The following CCSER1 variants were observed in gnomAD, a reference collection of about 807,000 sequenced individuals.
The protein encoded by CCSER1 is coiled-coil serine rich protein 1.
Under a neutral mutation model 82.0 loss-of-function variants are expected in CCSER1, and 41 were observed. The observed-to-expected ratio is 0.50, with a 90% CI of 0.39 to 0.65. CCSER1 has a LOEUF of 0.65. Among genes scored for constraint, CCSER1 ranks in the 30% least tolerant of loss-of-function variants. The probability of loss-of-function intolerance (pLI) is 0.00; values close to 1 mark genes in which losing one functional copy is unlikely to be tolerated. For synonymous variants in CCSER1, 414 were observed against 383.9 expected, an observed-to-expected ratio of 1.08 and a Z score of -0.92; for missense variants, 1,119 against 1,064.2, an observed-to-expected ratio of 1.05 and a Z score of -0.72.
intron 8 of CCSER1, among the ~76,000 whole-genome samples, chr4:90,820,101 C>T (rs1474853422): frequency 6.6e-6 from 1 of 152,134 alleles, no homozygotes; most frequent in African/African-American, 2.4e-5. Context: ...CTTCATCTTC[C>T]TGGGGCCTTA....
At chr4:90,178,042 T>C (rs994626418) in intron 1 of CCSER1, among the ~76,000 whole-genome samples, 2 of 152,140 alleles carry the variant, frequency 1.3e-5, no homozygotes, top group Non-Finnish European at 2.9e-5. Context: ...AAAACATTTC[T>C]GGTCTCAAGC....
intron 9 of CCSER1, among the ~76,000 whole-genome samples, chr4:90,966,110 G>GA (rs1246497006): frequency 6.6e-6 from 1 of 152,040 alleles, no homozygotes; most frequent in East Asian, 1.9e-4. Context: ...CAGAGACTCA[G>GA]AAACCTGTAA....
chr4:91,432,998 G>T (rs1286212555), intron 10 of CCSER1, among the ~76,000 whole-genome samples: 1 of 152,098 alleles, frequency 6.6e-6, no homozygotes, highest in South Asian at 2.1e-4. Context: ...GCCCAGAGAG[G>T]TATTTGGGGG....
At chr4:90,336,051 A>G (rs751608644) in intron 3 of CCSER1, among the ~76,000 whole-genome samples, 1 of 152,248 alleles carries the variant, frequency 6.6e-6, no homozygotes, top group African/African-American at 2.4e-5. Context: ...TGTTACATTC[A>G]TAGAAAAATA....
At chr4:90,617,817 A>G (rs574580531) in intron 5 of CCSER1, among the ~76,000 whole-genome samples, 57 of 151,994 alleles carry the variant, frequency 3.8e-4, no homozygotes, top group Non-Finnish European at 5.0e-4. Flanking sequence ...CTAGCCTGAG[A>G]TTTTCTTACT....
chr4:91,118,504 G>A (rs987507988), intron 10 of CCSER1, among the ~76,000 whole-genome samples: 2 of 151,922 alleles, frequency 1.3e-5, no homozygotes, highest in African/African-American at 4.8e-5. Flanking sequence ...CTAACTCCTG[G>A]GCTCAAGCAT....
chr4:90,198,038 C>T (rs1227831807), intron 1 of CCSER1, among the ~76,000 whole-genome samples: 2 of 151,838 alleles, frequency 1.3e-5, no homozygotes, highest in Non-Finnish European at 2.9e-5. Flanking sequence ...TCTCATGTAC[C>T]CCATAAACAT....
intron 10 of CCSER1, among the ~76,000 whole-genome samples, chr4:91,244,703 C>T (rs747557083): frequency 6.6e-6 from 1 of 152,126 alleles, no homozygotes; most frequent in African/African-American, 2.4e-5. Context: ...TAATAAATAT[C>T]TAACTCTTCA....
At chr4:90,415,497 A>G (rs1037575673) in intron 4 of CCSER1, among the ~76,000 whole-genome samples, 2 of 152,256 alleles carry the variant, frequency 1.3e-5, no homozygotes, top group African/African-American at 4.8e-5. Flanking sequence ...AGTAATTACC[A>G]TAAAGCTTAA....
At chr4:91,455,345 A>G (rs1046469571) in intron 10 of CCSER1, among the ~76,000 whole-genome samples, 1 of 152,092 alleles carries the variant, frequency 6.6e-6, no homozygotes, top group East Asian at 1.9e-4. Context: ...GGAACTCAGT[A>G]TACAATATGA....
At chr4:90,885,730 A>G (rs548848751) in intron 8 of CCSER1, among the ~76,000 whole-genome samples, 367 of 152,300 alleles carry the variant, frequency 2.4e-3, no homozygotes, top group Middle Eastern at 0.01. Flanking sequence ...CTCTTGAGTG[A>G]CAGAAAGTCT....
At chr4:90,178,495 G>A (rs1049297670) in intron 1 of CCSER1, among the ~76,000 whole-genome samples, 1 of 151,878 alleles carries the variant, frequency 6.6e-6, no homozygotes, top group East Asian at 1.9e-4. Flanking sequence ...AGTTGTGAAG[G>A]CTTTGCTGGA....
chr4:90,875,994 G>C (rs550721048), intron 8 of CCSER1, among the ~76,000 whole-genome samples: 3 of 152,124 alleles, frequency 2.0e-5, no homozygotes, highest in Non-Finnish European at 4.4e-5. Flanking sequence ...TAAAAATCAT[G>C]AATAGGGTGC....
At chr4:91,384,633 A>G (rs1345783338) in intron 10 of CCSER1, among the ~76,000 whole-genome samples, 1 of 152,200 alleles carries the variant, frequency 6.6e-6, no homozygotes, top group East Asian at 1.9e-4. Context: ...ATGTAAGGGT[A>G]TATCTTATAT....
chr4:91,219,308 C>CTTTTT (rs59884169), intron 10 of CCSER1, among the ~76,000 whole-genome samples: 6 of 99,904 alleles, frequency 6.0e-5, no homozygotes, highest in African/African-American at 1.1e-4. Context: ...TACAGTTTGG[C>CTTTTT]TTTTTTTTTT....
intron 10 of CCSER1, among the ~76,000 whole-genome samples, chr4:91,206,143 G>A (rs1467575696): frequency 6.6e-6 from 1 of 151,858 alleles, no homozygotes; most frequent in Non-Finnish European, 1.5e-5. Context: ...ATGGAATGAA[G>A]AGAGAGCATT....
At chr4:90,333,379 C>A (rs1357769204) in intron 3 of CCSER1, among the ~76,000 whole-genome samples, 1 of 151,710 alleles carries the variant, frequency 6.6e-6, no homozygotes, top group Non-Finnish European at 1.5e-5. Flanking sequence ...AGGAATTAGA[C>A]AAGAAACAGA....
chr4:90,306,720 A>G (rs1734347665), intron 1 of CCSER1, among the ~76,000 whole-genome samples: 1 of 152,208 alleles, frequency 6.6e-6, no homozygotes, highest in Admixed American at 6.5e-5. Context: ...TAAATTTTGT[A>G]TAGTATTTGT....
intron 5 of CCSER1, among the ~76,000 whole-genome samples, chr4:90,623,176 C>T (rs1030453487): frequency 4.6e-5 from 7 of 151,596 alleles, no homozygotes; most frequent in East Asian, 1.9e-4. Flanking sequence ...TACAGGCACC[C>T]GCCACCACTC....
Sources: allele counts gnomAD v4.1 joint callset (sites outside exome capture counted in the v4.1 genomes callset), GRCh38; gene constraint gnomAD v4.1.1; transcripts MANE v1.5; gene names NCBI Gene and HGNC (gene_info 2026-07-23, HGNC 2026-07-21).